The following TMEM165 variants were observed in gnomAD, a reference collection of about 807,000 sequenced individuals.
The protein encoded by TMEM165 is transmembrane protein 165.
In TMEM165, 19 loss-of-function variants were observed where a neutral mutation model predicts 30.0. That is an observed-to-expected ratio of 0.63 (90% CI 0.44 to 0.93). TMEM165 has a LOEUF of 0.93. TMEM165 is among the 40% of genes least tolerant of loss of function. The pLI, the probability that TMEM165 is intolerant of heterozygous loss-of-function variation, is 0.00. For synonymous variants in TMEM165, 168 were observed against 162.9 expected, an observed-to-expected ratio of 1.03 and a Z score of -0.24; for missense variants, 340 against 417.0, an observed-to-expected ratio of 0.82 and a Z score of 1.61.
chr4:55,449,551 A>G (rs543437217), intron 3 of TMEM165: 1 of 1,400,888 alleles, frequency 7.1e-7, no homozygotes, highest in African/African-American at 1.4e-5. Flanking sequence ...TAGTTTTTAA[A>G]GATTAATCTC....
intron 3 of TMEM165, among the ~76,000 whole-genome samples, chr4:55,439,517 A>AC (rs1175836957): frequency 6.6e-6 from 1 of 152,020 alleles, no homozygotes. Context: ...TGCTTATATA[A>AC]CCCCCCAAAA....
chr4:55,435,361 C>G, intron 3 of TMEM165: 3 of 1,602,482 alleles, frequency 1.9e-6, no homozygotes, highest in Non-Finnish European at 2.6e-6. Flanking sequence ...ATCTGAGTAA[C>G]TCTTAATGGG....
intron 3 of TMEM165, chr4:55,448,960 A>G: frequency 9.8e-7 from 1 of 1,024,534 alleles, no homozygotes; most frequent in South Asian, 1.3e-5. Context: ...TCGTATTAAT[A>G]AACTTACCAT....
intron 1 of TMEM165, among the ~76,000 whole-genome samples, chr4:55,406,483 C>T (rs28606621): frequency 0.015 from 2,295 of 152,270 alleles, 63 homozygotes; most frequent in African/African-American, 0.053. Flanking sequence ...ATGATACTTA[C>T]ACCATCCACA....
At chr4:55,449,414 C>T in intron 3 of TMEM165, 1 of 1,613,834 alleles carries the variant, frequency 6.2e-7, no homozygotes, top group South Asian at 1.1e-5. Context: ...TAAATGATGA[C>T]CTTCTTTGCA....
chr4:55,442,631 G>T (rs1359296587), intron 3 of TMEM165: 2 of 1,612,732 alleles, frequency 1.2e-6, no homozygotes, highest in Admixed American at 3.3e-5. Flanking sequence ...ACATTTTGTT[G>T]ACTCTGTTAA....
At chr4:55,400,455 TA>T (rs1234884552) in intron 1 of TMEM165, among the ~76,000 whole-genome samples, 26 of 139,258 alleles carry the variant, frequency 1.9e-4, no homozygotes, top group East Asian at 1.8e-3. Flanking sequence ...AATATATATA[TA>T]TTTTTTTGTC....
rs943420292 is a variant in TMEM165, at chr4:55,425,675, C to T, written c.*223C>T. 8.8e-6 allele frequency: 4 copies of T among 452,270 alleles called. No homozygotes were observed. The highest frequency in any genetic ancestry group is 6.0e-5 in the South Asian group (2 of 33,282). The allele number at this position is 452,270 out of a possible 1,614,324, so 28.0% of individuals were successfully genotyped here. A position where few individuals can be genotyped will look rare whatever the true frequency, so the allele number is the denominator to read the frequency against. On this transcript the variant is annotated 3_prime_UTR_variant, in exon 6 of 6. Coordinates refer to ENST00000381334, the MANE Select transcript of TMEM165 (RefSeq NM_018475.5). ...AAGTGTGGGTTTTTCTTCTCTCCAA[C>T]ATAATTATGTTAATATGGTCCTCAT...
At chr4:55,420,095 T>TAAAAAAAAAAAA (rs1281040955) in intron 4 of TMEM165, among the ~76,000 whole-genome samples, 1 of 31,582 alleles carries the variant, frequency 3.2e-5, no homozygotes, top group Non-Finnish European at 6.4e-5. Flanking sequence ...GACACTATCT[T>TAAAAAAAAAAAA]AAGAAAAAAA....
intron 2 of TMEM165, among the ~76,000 whole-genome samples, chr4:55,412,404 A>AAAAAG (rs1721546892): frequency 6.6e-6 from 1 of 150,470 alleles, no homozygotes; most frequent in East Asian, 1.9e-4. Context: ...AAAAAAAAAA[A>AAAAAG]AAAAAAAAAA....
chr4:55,417,834 G>A lies in TMEM165; in HGVS notation c.641G>A (p.Gly214Glu). 1 of 1,611,636 alleles carries A rather than the reference G, an allele frequency of 6.2e-7. No homozygotes were observed. Among genetic ancestry groups the A allele is most frequent in the African/African-American group, 1.3e-5 (1 of 74,928 alleles). ...CGAACCAAACTTTTAAATGGACCGGGAGATGTTGAAACGGGTACAAGCATA... is the reference window on the plus strand; with the variant it reads ...CGAACCAAACTTTTAAATGGACCGGAAGATGTTGAAACGGGTACAAGCATA... ...FQRTKLLNGP[G>E]DVETGTSITV... is the part of the protein sequence containing the mutation. The change falls in exon 4 of 6, where the codon GGA (glycine) becomes GAA (glutamate). Residue 214 changes from glycine to glutamate, a missense_variant. This residue lies in a region of TMEM165 where 220 missense variants were observed against 307.6 expected (regional missense o/e 0.72). Transcript: ENST00000381334.
chr4:55,450,756 G>A (rs549523392), intron 3 of TMEM165, among the ~76,000 whole-genome samples: 103 of 138,022 alleles, frequency 7.5e-4, no homozygotes, highest in African/African-American at 2.5e-3. Context: ...GCAAAAGAGC[G>A]AGACTCCATC....
chr4:55,420,106 A>AAAAAAAAAAAAAATATAT (rs1474254120), intron 4 of TMEM165, among the ~76,000 whole-genome samples: 1 of 45,428 alleles, frequency 2.2e-5, no homozygotes, highest in Non-Finnish European at 4.1e-5. Context: ...AAGAAAAAAA[A>AAAAAAAAAAAAAATATAT]ATATATATAT....
rs550321124 is a variant in TMEM165 at position 55,420,313 on chromosome 4, C to T, written c.792+2328C>T. Among the ~76,000 whole-genome samples the T allele has an allele frequency of 1.5e-4, 23 of 150,628 alleles. No homozygotes were observed. In the South Asian group the frequency reaches 2.6e-3, roughly 17 times the overall value. ...ATGACAGCAGAATCACTGCGTTTTT[C>T]TCTCTACTCTGTGGCATAGACTCTA... is the stretch of plus-strand genomic sequence containing the variant. On this transcript the variant is annotated intron_variant, in intron 4 of 5. Transcript: ENST00000381334.
intron 4 of TMEM165, among the ~76,000 whole-genome samples, chr4:55,421,555 C>A (rs1374096348): frequency 6.6e-6 from 1 of 152,040 alleles, no homozygotes; most frequent in African/African-American, 2.4e-5. Flanking sequence ...ACCTTGGCCT[C>A]CCAAAGTGCT....
At chr4:55,431,108 GC>G (rs1722472382), downstream of TMEM165, 1 of 152,160 alleles carries the variant, frequency 6.6e-6, no homozygotes, top group African/African-American at 2.4e-5. Context: ...GCAATAAAGT[GC>G]TTGTTACATT....
At chr4:55,435,387 C>T (rs571358489) in intron 3 of TMEM165, 1 of 1,613,568 alleles carries the variant, frequency 6.2e-7, no homozygotes, top group African/African-American at 1.3e-5. Context: ...CCCTTCCTCC[C>T]TTGATGTCAA....
At chr4:55,416,810 C>A in intron 2 of TMEM165, 1 of 294,324 alleles carries the variant, frequency 3.4e-6, no homozygotes, top group South Asian at 6.5e-5. Flanking sequence ...CAATATCTTA[C>A]TTAACATCTC....
chr4:55,435,443 G>T (rs1560409184), intron 3 of TMEM165: 4 of 1,613,842 alleles, frequency 2.5e-6, no homozygotes, highest in Non-Finnish European at 3.4e-6. Context: ...GGAAGGGTCG[G>T]GCAAGCTGTC....
Sources: allele counts gnomAD v4.1 joint callset (sites outside exome capture counted in the v4.1 genomes callset), GRCh38; gene constraint gnomAD v4.1.1; regional missense constraint gnomAD v4.1.1; transcripts MANE v1.5; gene names NCBI Gene and HGNC (gene_info 2026-07-23, HGNC 2026-07-21).